The following EPS8L2 variants were observed in gnomAD, a reference collection of about 807,000 sequenced individuals.
The protein encoded by EPS8L2 is epidermal growth factor receptor kinase substrate 8-like protein 2.
Under a neutral mutation model 99.4 loss-of-function variants are expected in EPS8L2, and 81 were observed. The observed-to-expected ratio is 0.82, with a 90% CI of 0.68 to 0.98. EPS8L2 has a LOEUF of 0.98. Ranked by LOEUF, EPS8L2 falls within the 50% of genes least tolerant of loss-of-function variation. The pLI, the probability that EPS8L2 is intolerant of heterozygous loss-of-function variation, is 0.00. For missense variants in EPS8L2, 1,155 were observed against 968.8 expected, an observed-to-expected ratio of 1.19 and a Z score of -2.55; for synonymous variants, 509 against 407.3, an observed-to-expected ratio of 1.25 and a Z score of -3.01.
chr11:709,177 T>C (rs1172644217), intron 1 of EPS8L2, among the ~76,000 whole-genome samples, 153 bp from the exon 2 acceptor site: 3 of 151,640 alleles, frequency 2.0e-5, no homozygotes, highest in Admixed American at 6.6e-5. Context: ...TGGGGCCAAC[T>C]GGGACGTGGG....
chr11:723,376 G>A (rs1564978531), intron 15 of EPS8L2, 23 bp downstream of exon 15: 4 of 1,121,862 alleles, frequency 3.6e-6, no homozygotes, highest in Non-Finnish European at 3.8e-6. Flanking sequence ...CAAAGTGAGG[G>A]AGCATGAAAG....
At chr11:726,282 C>T in intron 18 of EPS8L2, 22 bp from the exon 19 acceptor site, 1 of 1,590,496 alleles carries the variant, frequency 6.3e-7, no homozygotes, top group Admixed American at 1.8e-5. Flanking sequence ...CAGCGGCGGG[C>T]CTGAGTCGCG....
intron 4 of EPS8L2, among the ~76,000 whole-genome samples, chr11:715,959 ATTAT>A (rs1231321347): frequency 7.5e-6 from 1 of 132,802 alleles, no homozygotes; most frequent in Non-Finnish European, 1.6e-5. Flanking sequence ...GAAACCTTAG[ATTAT>A]TTATCTTTTT....
rs749867707 is a variant in EPS8L2, at chr11:727,083, G to C, written c.*102G>C. The C allele has an allele frequency of 1.2e-6, 1 of 852,452 alleles. No homozygotes were observed. 52.8% of individuals were successfully genotyped at this position (852,452 alleles called of 1,614,324 possible). A position where few individuals can be genotyped will look rare whatever the true frequency, so the allele number is the denominator to read the frequency against. On this transcript the variant is annotated 3_prime_UTR_variant, in exon 21 of 21. Coordinates refer to ENST00000318562, the MANE Select transcript of EPS8L2 (RefSeq NM_022772.4). ...TGTATTTTGTATCAAGGACACGGAG[G>C]GGGTGTGGTGCTGGCTAGAGGTCCC...
At chr11:708,355 C>T (rs575129074) in intron 1 of EPS8L2, among the ~76,000 whole-genome samples, 36 of 152,340 alleles carry the variant, frequency 2.4e-4, no homozygotes, top group African/African-American at 8.7e-4. Flanking sequence ...AAATCAGACC[C>T]ACCTGTCTGC....
chr11:710,960 G>A (rs1861872864), intron 4 of EPS8L2, among the ~76,000 whole-genome samples: 1 of 152,198 alleles, frequency 6.6e-6, no homozygotes, highest in Non-Finnish European at 1.5e-5. Context: ...AGCCCAGGGT[G>A]TGCCGGGAAA....
chr11:720,042 G>T lies in EPS8L2; in HGVS notation c.166-20G>T. 1.2e-6 allele frequency: 2 copies of T among 1,604,714 alleles called. No homozygotes were observed. Among genetic ancestry groups the T allele is most frequent in the East Asian group, 2.2e-5 (1 of 44,478 alleles). On this transcript the variant is annotated intron_variant, in intron 4 of 20. Transcript: ENST00000318562. ...CACAAGGAGGGCTCTGCCCAGCAGT[G>T]ACCACCTGCCCACCCCCAGCACCTG...
Position 721,143 on chromosome 11 carries a change from C to T in EPS8L2, c.637C>T (p.Arg213Cys), listed in dbSNP as rs1862162202. Reference protein sequence around the residue: ...QGPAPIPFQHRGGDSPEAKNR... With the variant: ...QGPAPIPFQHCGGDSPEAKNR... Reference sequence around the variant, plus strand: ...CCCGGCGCCCATCCCCTTCCAGCACCGCGGCGGGGATTCCCCGGAGGCCAA... The same window carrying T: ...CCCGGCGCCCATCCCCTTCCAGCACTGCGGCGGGGATTCCCCGGAGGCCAA... The change falls in exon 8 of 21, where the codon CGC becomes TGC. Residue 213 changes from arginine to cysteine, a missense_variant. Coordinates refer to ENST00000318562, the MANE Select transcript of EPS8L2 (RefSeq NM_022772.4). The T allele has an allele frequency of 2.6e-6, 4 of 1,536,860 alleles. No homozygotes were observed. Among genetic ancestry groups the T allele is most frequent in the Non-Finnish European group, 3.5e-6 (4 of 1,144,014 alleles).
Position 726,347 on chromosome 11 carries a change from G to C in EPS8L2, c.1797G>C (p.Arg599=), listed in dbSNP as rs1248956152. Residue 599 remains arginine (R), a synonymous_variant, in exon 19 of 21, where the codon CGG becomes CGC. Coordinates refer to ENST00000318562, the MANE Select transcript of EPS8L2 (RefSeq NM_022772.4). ...ACGAGGTCAACGACGAGCTCATCCG[G>C]AAAATCAGCAACATCAGGGCGCAGC... ...HMDEVNDELI[R]KISNIRAQPQ... is the part of the protein sequence containing the mutation. 6.2e-7 allele frequency: 1 copy of C among 1,611,042 alleles called. No homozygotes were observed. Among genetic ancestry groups the C allele is most frequent in the South Asian group, 1.1e-5 (1 of 90,806 alleles).
chr11:722,320 G>A (rs968706473), intron 12 of EPS8L2, 81 bp from the exon 13 acceptor site: 104 of 1,568,538 alleles, frequency 6.6e-5, no homozygotes, highest in Middle Eastern at 2.0e-4. Flanking sequence ...GTCCCTTCCC[G>A]AGGGCCAGCC....
Position 720,667 on chromosome 11 carries a change from C to A in EPS8L2, c.398C>A (p.Pro133Gln). Residue 133 changes from proline (P) to glutamine (Q), a missense_variant, in exon 6 of 21, where the codon CCG (proline) becomes CAG (glutamine). By Grantham distance (76) the Pro-to-Gln change is moderately conservative. Transcript: ENST00000318562. ...ACGGTCCTCAACCAGCTGCGCTACC[C>A]GTCTGTGCTGCTGCTCGTGTGCCAG... Reference protein sequence around the residue: ...SQTVLNQLRYPSVLLLVCQDS... With the variant: ...SQTVLNQLRYQSVLLLVCQDS... 6.3e-7 allele frequency: 1 copy of A among 1,597,160 alleles called. No individual in the cohort carries two copies. Among genetic ancestry groups the A allele is most frequent in the Non-Finnish European group, 8.5e-7 (1 of 1,173,518 alleles).
At chr11:707,021 G>A (rs1328240777) in intron 1 of EPS8L2, among the ~76,000 whole-genome samples, 1 of 151,948 alleles carries the variant, frequency 6.6e-6, no homozygotes, top group East Asian at 1.9e-4. Flanking sequence ...GGGGAGGCAG[G>A]GCCGGGCATG....
intron 4 of EPS8L2, among the ~76,000 whole-genome samples, chr11:711,998 A>G (rs1861904086): frequency 6.8e-6 from 1 of 147,770 alleles, no homozygotes; most frequent in African/African-American, 2.5e-5. Flanking sequence ...AGAGAAAAAA[A>G]AAAGGGACCA....
intron 1 of EPS8L2, among the ~76,000 whole-genome samples, chr11:707,352 T>A (rs1484430611): frequency 1.3e-5 from 2 of 152,028 alleles, no homozygotes; most frequent in Non-Finnish European, 2.9e-5. Flanking sequence ...ACCCAGCGCC[T>A]ATGAGGGCAG....
Position 724,733 on chromosome 11 carries a change from G to T in EPS8L2, c.1464G>T (p.Gln488His), listed in dbSNP as rs766624259. 2 of 1,613,066 alleles carry T rather than the reference G, an allele frequency of 1.2e-6. No homozygotes were observed. The highest frequency in any genetic ancestry group is 1.7e-6 in the Non-Finnish European group (2 of 1,179,728). ...VSSPHTHRGY[Q>H]PTPAMAKYVK... ...CTCCTGTTCCTCACAGGGGCTACCA[G>T]CCAACACCAGCCATGGCCAAGTACG... The change falls in exon 16 of 21, where the codon CAG becomes CAT. Residue 488 changes from glutamine (Q) to histidine (H), a missense_variant. Coordinates refer to ENST00000318562, the MANE Select transcript of EPS8L2 (RefSeq NM_022772.4). This position sits in a 1 kb window ranked among gnomAD's most constrained non-coding sequence, Gnocchi z 5.5.
rs1862298521 is a variant in EPS8L2 at position 725,801 on chromosome 11, T to C, written c.1634T>C (p.Ile545Thr). The change falls in exon 17 of 21, where the codon ATC (isoleucine) becomes ACC (threonine). Residue 545 changes from isoleucine (I) to threonine (T), a missense_variant. Coordinates refer to ENST00000318562, the MANE Select transcript of EPS8L2 (RefSeq NM_022772.4). ...SGQAGYVPCNILGEARPEDAG... is the reference protein window; with the variant it reads ...SGQAGYVPCNTLGEARPEDAG... ...CAGGCGGGGTACGTGCCCTGCAACA[T>C]CCTAGGCGAGGCGCGACCGGAGGAC... 1 of 1,387,100 alleles carries C rather than the reference T, an allele frequency of 7.2e-7. No individual in the cohort carries two copies. The highest frequency in any genetic ancestry group is 9.3e-7 in the Non-Finnish European group (1 of 1,075,344). The allele number at this position is 1,387,100 out of a possible 1,614,324, so 85.9% of individuals were successfully genotyped here.
intron 14 of EPS8L2, 131 bp from the exon 15 acceptor site, chr11:723,110 G>C: frequency 1.8e-6 from 1 of 567,804 alleles, no homozygotes; most frequent in South Asian, 2.1e-5. Flanking sequence ...TGGCATCACC[G>C]GGCATCAGGC....
rs1861822932 is a variant in EPS8L2 at position 709,411 on chromosome 11, A to G, written c.4A>G (p.Ser2Gly). The change falls in exon 2 of 21, where the codon AGC becomes GGC. Residue 2 changes from serine (S) to glycine (G), a missense_variant. By Grantham distance (56) the Ser-to-Gly change is moderately conservative. Coordinates refer to ENST00000318562, the MANE Select transcript of EPS8L2 (RefSeq NM_022772.4). Reference protein sequence around the residue: MSQSGAVSCCPG... With the variant: MGQSGAVSCCPG... ...GCTGGCCGCCACCCAAGACACCATG[A>G]GCCAGTCCGGGGCCGTGAGCTGCTG... 6.3e-7 allele frequency: 1 copy of G among 1,587,484 alleles called. No homozygotes were observed. Among genetic ancestry groups the G allele is most frequent in the East Asian group, 2.3e-5 (1 of 43,044 alleles).
chr11:726,169 C>A lies in EPS8L2; in HGVS notation c.1752C>A (p.Asp584Glu). 1 of 1,607,612 alleles carries A rather than the reference C, an allele frequency of 6.2e-7. No individual in the cohort carries two copies. The highest frequency in any genetic ancestry group is 1.3e-5 in the African/African-American group (1 of 74,760). The change falls in exon 18 of 21, where the codon GAC becomes GAA. Residue 584 changes from aspartate to glutamate, a missense_variant and splice_region_variant. Coordinates refer to ENST00000318562, the MANE Select transcript of EPS8L2 (RefSeq NM_022772.4). ...KLPPSFPGNK[D>E]ELMQHMDEVN... ...CCCCAAGCTTCCCGGGGAACAAAGA[C>A]GGTGAGAGCTGCTGCTTCGAGGCGG...
Sources: allele counts gnomAD v4.1 joint callset (sites outside exome capture counted in the v4.1 genomes callset), GRCh38; gene constraint gnomAD v4.1.1; non-coding constraint Gnocchi (gnomAD v3.1); transcripts MANE v1.5; gene names NCBI Gene and HGNC (gene_info 2026-07-23, HGNC 2026-07-21).